Variants in CROCC2 observed in about 807,000 individuals in gnomAD.
CROCC2 encodes ciliary rootlet coiled-coil protein 2.
A neutral mutation model predicts 177.6 loss-of-function variants in CROCC2; 163 were observed. The ratio of observed to expected loss-of-function variants is 0.92; its 90% CI spans 0.81 to 1.05. CROCC2 has a LOEUF of 1.05. Among genes scored for constraint, CROCC2 ranks in the 50% least tolerant of loss-of-function variants. CROCC2 has a pLI of 0.00. For synonymous variants in CROCC2, 904 were observed against 787.3 expected (o/e 1.15, Z -2.48); for missense variants, 1,929 against 1,797.8 (o/e 1.07, Z -1.32).
intron 20 of CROCC2, 93 bp downstream of exon 20, chr2:240,959,537 G>T: frequency 7.0e-7 from 1 of 1,426,372 alleles, no homozygotes; most frequent in Non-Finnish European, 9.4e-7. Context: ...GGTGCCAGGA[G>T]GAAAGAGAGG....
rs762344920 is a variant in CROCC2 at position 240,960,237 on chromosome 2, G to A, written c.3087+793G>A. 3.9e-5 allele frequency among the ~76,000 whole-genome samples: 6 copies of A among 152,234 alleles called. No individual in the cohort carries two copies. Among genetic ancestry groups the A allele is most frequent in the Non-Finnish European group, 8.8e-5 (6 of 68,038 alleles). On this transcript the variant is annotated intron_variant, in intron 20 of 31. Transcript: ENST00000690015. The surrounding 1 kb of genome is among the most constrained non-coding windows in gnomAD (Gnocchi z 5.0). ...GGGCTCTGCCCACACAGCAGGAGGC[G>A]CGGACTTCACTGGGCTGGACACTAA...
Position 240,962,013 on chromosome 2 carries a change from CACA to C in CROCC2, c.3088-1542_3088-1540del, listed in dbSNP as rs1559606528. 1.6e-4 allele frequency among the ~76,000 whole-genome samples: 11 copies of C among 68,730 alleles called. No individual in the cohort carries two copies. In the East Asian group the frequency reaches 2.3e-3, roughly 15 times the overall value. 45.1% of individuals were successfully genotyped at this position (68,730 alleles called of 152,430 possible). On this transcript the variant is annotated intron_variant, in intron 20 of 31. Transcript: ENST00000690015. ...GGCCCACACACACACTCATCACCCA[CACA>C]CACACACACACACGCACGCACACAC...
intron 3 of CROCC2, among the ~76,000 whole-genome samples, chr2:240,920,553 G>T (rs1417692721): frequency 2.0e-5 from 3 of 152,220 alleles, no homozygotes; most frequent in South Asian, 2.1e-4. Flanking sequence ...AGCAGGCACC[G>T]ACCCCAACCC....
intron 12 of CROCC2, 113 bp from the exon 13 acceptor site, chr2:240,934,803 C>T: frequency 8.2e-7 from 1 of 1,219,316 alleles, no homozygotes; most frequent in Non-Finnish European, 1.1e-6. Flanking sequence ...CATGTCCGCC[C>T]AAGAGCTCTG....
chr2:240,913,594 A>G (rs907168598), intron 1 of CROCC2, among the ~76,000 whole-genome samples: 202 of 152,340 alleles, frequency 1.3e-3, no homozygotes, highest in Non-Finnish European at 6.9e-4. Flanking sequence ...TCCCTGCCTC[A>G]GTGCCTAGCC....
At position 240,930,937 on chromosome 2, in the gene CROCC2, C is replaced by T. The variant is rs754066613; in HGVS notation, c.756C>T (p.Leu252=). ...AELRVATERG[L]ADLQADTART... ...TGCTGCCCTTGTCTCCCAGGGGCCT[C>T]GCTGACCTGCAGGCAGACACGGCCA... The change falls in exon 7 of 32, where the codon CTC becomes CTT. Residue 252 remains leucine, a synonymous_variant. Transcript: ENST00000690015. 4.6e-5 allele frequency: 33 copies of T among 710,898 alleles called. No individual in the cohort carries two copies. The highest frequency in any genetic ancestry group is 2.3e-4 in the Middle Eastern group (1 of 4,346). 44.0% of individuals were successfully genotyped at this position (710,898 alleles called of 1,614,324 possible).
rs1427595245 is a variant in CROCC2, at chr2:240,934,332, C to G, written c.1648C>G (p.Gln550Glu). ...CCGCCCTCTGGTCTGGGGCCTCAGT[C>G]AAGGCCGCCTGCAGCAGCTGGAGGA... ...ERSCRALETS[Q>E]GRLQQLEEKV... Residue 550 changes from glutamine (Q) to glutamate (E), a missense_variant and splice_region_variant, in exon 12 of 32, where the codon CAA becomes GAA. Gln to Glu is a conservative substitution (Grantham distance 29, BLOSUM62 2). This residue lies in a region of CROCC2 where 1,397 missense variants were observed against 1,239.9 expected (regional missense o/e 1.13). Coordinates refer to ENST00000690015, the MANE Select transcript of CROCC2 (RefSeq NM_001351305.2). The G allele has an allele frequency of 3.2e-6, 5 of 1,548,228 alleles. No homozygotes were observed. Among genetic ancestry groups the G allele is most frequent in the Non-Finnish European group, 4.4e-6 (5 of 1,146,792 alleles).
chr2:240,963,808 C>T, intron 21 of CROCC2, 35 bp downstream of exon 21: 1 of 1,537,300 alleles, frequency 6.5e-7, no homozygotes, highest in South Asian at 1.2e-5. Flanking sequence ...TGGGGGTGCC[C>T]TGCAGCCTGC....
chr2:240,971,509 A>G (rs2059720882), intron 27 of CROCC2, among the ~76,000 whole-genome samples: 1 of 152,132 alleles, frequency 6.6e-6, no homozygotes, highest in Admixed American at 6.6e-5. Context: ...AAATGTGCGG[A>G]TTCCCTGGGT....
intron 1 of CROCC2, among the ~76,000 whole-genome samples, chr2:240,916,367 C>G (rs1397034291): frequency 3.0e-5 from 4 of 131,320 alleles, no homozygotes; most frequent in East Asian, 2.2e-4. Context: ...CCTGCGCCCC[C>G]CTCTGCGTCC....
Position 240,932,869 on chromosome 2 carries a change from C to T in CROCC2, c.1212C>T (p.Ala404=). 1 of 1,547,044 alleles carries T rather than the reference C, an allele frequency of 6.5e-7. No individual in the cohort carries two copies. The highest frequency in any genetic ancestry group is 1.2e-5 in the South Asian group (1 of 83,578). The change falls in exon 9 of 32, where the codon GCC becomes GCT. Residue 404 remains alanine, a synonymous_variant. Transcript: ENST00000690015. The part of the protein sequence containing the change: ...SPATLDPALQ[A]MRAAIERRWR... Reference sequence around the variant, plus strand: ...CCACCCTGGACCCCGCACTGCAGGCCATGCGGGCAGCCATAGAGAGGCGGT... The same window carrying T: ...CCACCCTGGACCCCGCACTGCAGGCTATGCGGGCAGCCATAGAGAGGCGGT...
At chr2:240,927,511 A>G (rs6745171) in intron 5 of CROCC2, among the ~76,000 whole-genome samples, 148,508 of 152,294 alleles carry the variant, frequency 0.98, 72,446 homozygotes, top group East Asian at 1. Context: ...TTTCCTTTCC[A>G]GTCCATCAGT....
rs2059449463 is a variant in CROCC2 at position 240,933,809 on chromosome 2, C to G, written c.1603C>G (p.Leu535Val). ...GCTGCAGGCAGAGCGGAGGGAGGAG[C>G]TGGCTCTGCGGAGGGAGCGGAGCTG... ...LLLQAERREE[L>V]ALRRERSCRA... The change falls in exon 11 of 32, where the codon CTG (leucine) becomes GTG (valine). Residue 535 changes from leucine (L) to valine (V), a missense_variant. By Grantham distance (32) the Leu-to-Val change is conservative (BLOSUM62 1). Around this residue, in one of 3 missense-constraint regions of CROCC2, gnomAD observed 1,397 missense variants for 1,239.9 expected, o/e 1.13. Transcript: ENST00000690015. 6.5e-7 allele frequency: 1 copy of G among 1,548,400 alleles called. No homozygotes were observed.
intron 27 of CROCC2, among the ~76,000 whole-genome samples, chr2:240,975,983 A>G (rs2059760460): frequency 6.6e-6 from 1 of 151,972 alleles, no homozygotes; most frequent in African/African-American, 2.4e-5. Context: ...TGCCCATCTC[A>G]GCCTCCCAAA....
At position 240,933,710 on chromosome 2, in the gene CROCC2, G is replaced by A; in HGVS notation, c.1504G>A (p.Gly502Arg). The A allele has an allele frequency of 6.5e-7, 1 of 1,550,384 alleles. No individual in the cohort carries two copies. Among genetic ancestry groups the A allele is most frequent in the South Asian group, 1.2e-5 (1 of 84,060 alleles). Residue 502 changes from glycine (G) to arginine (R), a missense_variant, in exon 11 of 32, where the codon GGG becomes AGG. Transcript: ENST00000690015. ...ALEMVVEELKGKADAADAEKQ... is the reference protein window; with the variant it reads ...ALEMVVEELKRKADAADAEKQ... ...GGAGATGGTGGTGGAGGAGCTGAAA[G>A]GGAAGGCAGATGCTGCAGATGCGGA... is the stretch of plus-strand genomic sequence containing the variant.
rs1398969493 is a variant in CROCC2, at chr2:240,953,248, A to G, written c.2830-2611A>G. On this transcript the variant is annotated intron_variant, in intron 18 of 31. Transcript: ENST00000690015. This position sits in a 1 kb window ranked among gnomAD's most constrained non-coding sequence, Gnocchi z 4.0. ...AACATGGTGAAACCCCGTCTCTACT[A>G]AAAAAAAAATACAAAAATTAGCTGG... 1.3e-5 allele frequency among the ~76,000 whole-genome samples: 1 copy of G among 77,704 alleles called. No individual in the cohort carries two copies. Among genetic ancestry groups the G allele is most frequent in the Admixed American group, 1.0e-4 (1 of 10,012 alleles). The allele number at this position is 77,704 out of a possible 152,430, so 51.0% of individuals were successfully genotyped here.
chr2:240,981,453 G>C (rs2059799216), intron 27 of CROCC2: 1 of 152,236 alleles, frequency 6.6e-6, no homozygotes, highest in Non-Finnish European at 1.5e-5. Flanking sequence ...GAGCCAAAGG[G>C]ACACAAGAGA....
chr2:240,911,556 C>T (rs1039389575), intron 1 of CROCC2, among the ~76,000 whole-genome samples: 32 of 152,260 alleles, frequency 2.1e-4, no homozygotes, highest in African/African-American at 7.7e-4. Context: ...CCTCAACCTC[C>T]CAAAGTGCTG....
At position 240,963,625 on chromosome 2, in the gene CROCC2, G is replaced by A. The variant is rs545427840; in HGVS notation, c.3157G>A (p.Gly1053Ser). 5.8e-6 allele frequency: 9 copies of A among 1,549,016 alleles called. No homozygotes were observed. Among genetic ancestry groups the A allele is most frequent in the African/African-American group, 2.7e-5 (2 of 73,002 alleles). The change falls in exon 21 of 32, where the codon GGC (glycine) becomes AGC (serine). Residue 1053 changes from glycine to serine, a missense_variant. By Grantham distance (56) the Gly-to-Ser change is moderately conservative. Transcript: ENST00000690015. ...GLAALRQELQ[G>S]VEESREGLHR... ...GGCCGCACTGCGCCAGGAGCTGCAGGGCGTCGAGGAGAGCCGGGAGGGGCT... is the reference window on the plus strand; with the variant it reads ...GGCCGCACTGCGCCAGGAGCTGCAGAGCGTCGAGGAGAGCCGGGAGGGGCT...
Sources: allele counts gnomAD v4.1 joint callset (sites outside exome capture counted in the v4.1 genomes callset), GRCh38; gene constraint gnomAD v4.1.1; regional missense constraint gnomAD v4.1.1; non-coding constraint Gnocchi (gnomAD v3.1); transcripts MANE v1.5; gene names NCBI Gene and HGNC (gene_info 2026-07-23, HGNC 2026-07-21).